KCNG2: variants seen among roughly 807,000 people sequenced by gnomAD.
The protein encoded by KCNG2 is voltage-gated potassium channel regulatory subunit KCNG2.
KCNG2 carries 7 observed loss-of-function variants against 12.3 expected under a neutral mutation model. The observed-to-expected ratio is 0.57, with a 90% CI of 0.32 to 1.07. The LOEUF is 1.07. Ranked by LOEUF, KCNG2 falls within the 50% of genes least tolerant of loss-of-function variation. The pLI, the probability that KCNG2 is intolerant of heterozygous loss-of-function variation, is 0.04. For missense variants in KCNG2, 703 were observed against 726.0 expected (o/e 0.97, Z 0.36); for synonymous variants, 414 against 351.4 (o/e 1.18, Z -1.99).
chr18:79,870,013 G>A (rs570185966), intron 3 of KCNG2, among the ~76,000 whole-genome samples: 1 of 152,240 alleles, frequency 6.6e-6, no homozygotes. Flanking sequence ...GCTCAGCCAG[G>A]CAGGACCTCC....
At chr18:79,891,430 C>T (rs1417385259) in intron 3 of KCNG2, among the ~76,000 whole-genome samples, 1 of 152,054 alleles carries the variant, frequency 6.6e-6, no homozygotes, top group Non-Finnish European at 1.5e-5. Flanking sequence ...GGGGTTTCAC[C>T]ATGTTGCCCA....
chr18:79,868,362 A>T (rs1979693759), intron 3 of KCNG2, among the ~76,000 whole-genome samples: 1 of 151,880 alleles, frequency 6.6e-6, no homozygotes, highest in Non-Finnish European at 1.5e-5. Context: ...GTTAAGAAGC[A>T]GTCGCCCTCC....
At chr18:79,867,440 G>A (rs937238417) in intron 3 of KCNG2, among the ~76,000 whole-genome samples, 6 of 121,626 alleles carry the variant, frequency 4.9e-5, no homozygotes, top group South Asian at 3.8e-4. Context: ...TGAGCTCAGC[G>A]TGTGTCGTGT....
At chr18:79,851,836 A>T (rs1978835583) in intron 1 of KCNG2, among the ~76,000 whole-genome samples, 1 of 152,020 alleles carries the variant, frequency 6.6e-6, no homozygotes, top group African/African-American at 2.4e-5. Flanking sequence ...GTGTGTGTGA[A>T]TATGAGTGTG....
In KCNG2 at chr18:79,899,832, C is replaced by T; in HGVS notation, c.*16C>T. Reference sequence around the variant, plus strand: ...AGGGCGCTGACGCCTGCGCCGCCCACACGGAGACCCCCTGCCCCCTCCAGC... The same window carrying T: ...AGGGCGCTGACGCCTGCGCCGCCCATACGGAGACCCCCTGCCCCCTCCAGC... On this transcript the variant is annotated 3_prime_UTR_variant, in exon 4 of 4. Coordinates refer to ENST00000316249, the MANE Select transcript of KCNG2 (RefSeq NM_012283.2). 3.0e-6 allele frequency: 4 copies of T among 1,347,114 alleles called. No individual in the cohort carries two copies. In the South Asian group the frequency reaches 7.3e-5, roughly 25 times the overall value. 83.4% of individuals were successfully genotyped at this position (1,347,114 alleles called of 1,614,324 possible).
chr18:79,804,098 C>T (rs2087431089), intron 1 of KCNG2, among the ~76,000 whole-genome samples: 1 of 152,208 alleles, frequency 6.6e-6, no homozygotes, highest in Non-Finnish European at 1.5e-5. Flanking sequence ...CACCTGCCAC[C>T]TCGGGGTCTG....
Position 79,811,328 on chromosome 18 carries a change from C to A in KCNG2, c.-115+13314C>A, listed in dbSNP as rs139689800. The stretch of plus-strand genomic sequence containing the variant: ...TCACACTATTTATTAAAACTTACTA[C>A]AAAGCTACAGTAAGCAAAATAGTGT... On this transcript the variant is annotated intron_variant, in intron 1 of 3. Transcript: ENST00000316249. Among the ~76,000 whole-genome samples the A allele has an allele frequency of 4.7e-3, 719 of 152,256 alleles. 4 individuals carry two copies. Among genetic ancestry groups the A allele is most frequent in the African/African-American group, 0.016 (676 of 41,540 alleles).
rs1032271513 is a variant in KCNG2 at position 79,800,426 on chromosome 18, C to T, written c.-115+2412C>T. 2.6e-5 allele frequency among the ~76,000 whole-genome samples: 4 copies of T among 152,156 alleles called. No homozygotes were observed. Among genetic ancestry groups the T allele is most frequent in the Non-Finnish European group, 5.9e-5 (4 of 68,038 alleles). ...CTCAGACACAAACGGGTGCTGCCAT[C>T]AGGTAGCCCAGCCGGTAGGCATGAG... On this transcript the variant is annotated intron_variant, in intron 1 of 3. Coordinates refer to ENST00000316249, the MANE Select transcript of KCNG2 (RefSeq NM_012283.2). The surrounding 1 kb of genome is among the most constrained non-coding windows in gnomAD (Gnocchi z 4.0).
At chr18:79,816,070 T>C (rs2087525736) in intron 1 of KCNG2, 1 of 152,246 alleles carries the variant, frequency 6.6e-6, no homozygotes, top group Non-Finnish European at 1.5e-5. Context: ...AACATTGCTT[T>C]TTATGCAGAT....
At chr18:79,855,746 G>A (rs1034789389) in intron 1 of KCNG2, among the ~76,000 whole-genome samples, 2 of 152,088 alleles carry the variant, frequency 1.3e-5, no homozygotes, top group Admixed American at 1.3e-4. Context: ...CTCGTGCTGT[G>A]ACGGCCATTC....
chr18:79,839,532 A>T (rs1044302886), intron 1 of KCNG2, among the ~76,000 whole-genome samples: 1 of 152,222 alleles, frequency 6.6e-6, no homozygotes, highest in African/African-American at 2.4e-5. Context: ...GAAATAGATC[A>T]TGAGAATAGT....
chr18:79,842,323 C>G (rs958573602), intron 1 of KCNG2, among the ~76,000 whole-genome samples: 1 of 152,226 alleles, frequency 6.6e-6, no homozygotes, highest in Non-Finnish European at 1.5e-5. Context: ...TGGAAGCACC[C>G]TTGCCCAGAT....
At chr18:79,832,463 G>C (rs1012777936) in intron 1 of KCNG2, among the ~76,000 whole-genome samples, 3 of 148,354 alleles carry the variant, frequency 2.0e-5, no homozygotes, top group African/African-American at 7.5e-5. Context: ...TCACCTGTCC[G>C]TCTTCACCTG....
At chr18:79,843,542 T>A (rs1645321724) in intron 1 of KCNG2, among the ~76,000 whole-genome samples, 2 of 152,224 alleles carry the variant, frequency 1.3e-5, no homozygotes, top group Admixed American at 1.3e-4. Flanking sequence ...GCTACAGTAA[T>A]TTGTTAATGG....
At chr18:79,864,455 A>C (rs1488768724) in intron 3 of KCNG2, among the ~76,000 whole-genome samples, 164 bp downstream of exon 3, 1 of 151,014 alleles carries the variant, frequency 6.6e-6, no homozygotes, top group East Asian at 2.0e-4. Flanking sequence ...GCCGGGCTGG[A>C]GGCGGCCGGG....
intron 1 of KCNG2, among the ~76,000 whole-genome samples, chr18:79,799,465 C>T (rs1012943942): frequency 2.0e-5 from 3 of 151,918 alleles, no homozygotes; most frequent in Non-Finnish European, 4.4e-5. Flanking sequence ...ATTTGGGGGG[C>T]ATTGTGGTAC....
chr18:79,814,260 A>C (rs1265628315), intron 1 of KCNG2, among the ~76,000 whole-genome samples: 2 of 152,242 alleles, frequency 1.3e-5, no homozygotes, highest in African/African-American at 2.4e-5. Context: ...CATTTATCCC[A>C]GAGAAATGGA....
Position 79,899,750 on chromosome 18 carries a change from G to C in KCNG2, c.1335G>C (p.Gln445His). 1 of 1,580,876 alleles carries C rather than the reference G, an allele frequency of 6.3e-7. No homozygotes were observed. Among genetic ancestry groups the C allele is most frequent in the Non-Finnish European group, 8.6e-7 (1 of 1,168,468 alleles). Reference protein sequence around the residue: ...HSATATEDSSQGPDSAGLADD... With the variant: ...HSATATEDSSHGPDSAGLADD... ...CCACAGCCACCGAGGACAGCTCGCAGGGCCCCGACAGCGCGGGCCTGGCCG... is the reference window on the plus strand; with the variant it reads ...CCACAGCCACCGAGGACAGCTCGCACGGCCCCGACAGCGCGGGCCTGGCCG... The change falls in exon 4 of 4, where the codon CAG becomes CAC. Residue 445 changes from glutamine (Q) to histidine (H), a missense_variant. Physicochemically the swap from Gln to His is conservative, Grantham distance 24. Transcript: ENST00000316249.
chr18:79,881,339 G>A (rs1355905562), intron 3 of KCNG2, among the ~76,000 whole-genome samples: 20 of 152,156 alleles, frequency 1.3e-4, no homozygotes, highest in Non-Finnish European at 1.5e-5. Flanking sequence ...TGGAAAGCAA[G>A]AGAACAGGAC....
Sources: allele counts gnomAD v4.1 joint callset (sites outside exome capture counted in the v4.1 genomes callset), GRCh38; gene constraint gnomAD v4.1.1; non-coding constraint Gnocchi (gnomAD v3.1); transcripts MANE v1.5; gene names NCBI Gene and HGNC (gene_info 2026-07-23, HGNC 2026-07-21).